ANKRD44: variants seen among roughly 807,000 people sequenced by gnomAD.
The protein encoded by ANKRD44 is serine/threonine-protein phosphatase 6 regulatory ankyrin repeat subunit B.
In ANKRD44, 35 loss-of-function variants were observed where a neutral mutation model predicts 116.0. That is an observed-to-expected ratio of 0.30 (90% CI 0.23 to 0.40). The LOEUF (loss-of-function observed/expected upper bound fraction) is 0.40, where lower values mean the gene tolerates loss of function less well. ANKRD44 is among the 10% of genes least tolerant of loss of function. The probability of loss-of-function intolerance (pLI) is 1.00; values close to 1 mark genes in which losing one functional copy is unlikely to be tolerated. For missense variants in ANKRD44, 1,014 were observed against 1,242.6 expected (o/e 0.82, Z 2.77); for synonymous variants, 435 against 461.8 (o/e 0.94, Z 0.74).
chr2:197,116,957 T>C (rs2078725424), intron 8 of ANKRD44, among the ~76,000 whole-genome samples: 1 of 152,214 alleles, frequency 6.6e-6, no homozygotes, highest in Non-Finnish European at 1.5e-5. Flanking sequence ...TCTATTTTTC[T>C]AGTGCTTATC....
rs141791163 is a variant in ANKRD44 at position 197,186,452 on chromosome 2, G to A, written c.111+571C>T. The stretch of plus-strand genomic sequence containing the variant: ...TATGCTCACTCTTAGATCTTCTGCT[G>A]TATCTGGTTATTTAACCAGATTTTT... On this transcript the variant is annotated intron_variant, in intron 2 of 27. Coordinates refer to ENST00000282272, the MANE Select transcript of ANKRD44 (RefSeq NM_001195144.2). Among the ~76,000 whole-genome samples the A allele has an allele frequency of 5.1e-4, 78 of 151,924 alleles. No individual in the cohort carries two copies. In the East Asian group the frequency reaches 0.013, roughly 25 times the overall value.
At chr2:197,049,647 AT>A (rs559027677) in intron 16 of ANKRD44, among the ~76,000 whole-genome samples, 1,800 of 148,074 alleles carry the variant, frequency 0.012, 11 homozygotes, top group Admixed American at 0.017. Context: ...CTACTGTATG[AT>A]TTTTTTTTTT....
chr2:197,103,941 A>G (rs1435687197), intron 9 of ANKRD44, among the ~76,000 whole-genome samples: 5 of 152,160 alleles, frequency 3.3e-5, no homozygotes, highest in Non-Finnish European at 7.4e-5. Context: ...TTCCCATGTC[A>G]TTAATCTTTT....
chr2:196,988,245 A>G lies in ANKRD44; in HGVS notation c.*1346T>C. The G allele has an allele frequency of 1.0e-6, 1 of 985,456 alleles. No individual in the cohort carries two copies. 61.0% of individuals were successfully genotyped at this position (985,456 alleles called of 1,614,324 possible). A position where few individuals can be genotyped will look rare whatever the true frequency, so the allele number is the denominator to read the frequency against. ...GAAATGCCAACTGAGCAAGATTTCCATTCACTTCTAGAAAAAGACACCGCA... is the reference window on the plus strand; with the variant it reads ...GAAATGCCAACTGAGCAAGATTTCCGTTCACTTCTAGAAAAAGACACCGCA... On this transcript the variant is annotated 3_prime_UTR_variant, in exon 28 of 28. Coordinates refer to ENST00000282272, the MANE Select transcript of ANKRD44 (RefSeq NM_001195144.2).
intron 20 of ANKRD44, among the ~76,000 whole-genome samples, chr2:197,006,183 C>T (rs2076199003): frequency 6.6e-6 from 1 of 152,184 alleles, no homozygotes; most frequent in African/African-American, 2.4e-5. Flanking sequence ...TGGCTCACGC[C>T]TGTAATCCCA....
chr2:197,062,598 G>A (rs2077340074), intron 16 of ANKRD44, among the ~76,000 whole-genome samples: 1 of 152,186 alleles, frequency 6.6e-6, no homozygotes, highest in Non-Finnish European at 1.5e-5. Flanking sequence ...GAAGCACCTG[G>A]AAAATCGGGT....
chr2:197,260,534 T>G (rs569201606), intron 1 of ANKRD44, among the ~76,000 whole-genome samples: 1 of 152,082 alleles, frequency 6.6e-6, no homozygotes, highest in African/African-American at 2.4e-5. Context: ...ATAGTGCCGC[T>G]ATAAACATAC....
chr2:197,141,218 AATAC>A (rs1043282477), intron 3 of ANKRD44, among the ~76,000 whole-genome samples: 1 of 152,100 alleles, frequency 6.6e-6, no homozygotes, highest in African/African-American at 2.4e-5. Flanking sequence ...CTCTATCTCA[AATAC>A]ATACATACAT....
At chr2:197,075,626 G>T (rs2077649964) in intron 16 of ANKRD44, among the ~76,000 whole-genome samples, 1 of 152,058 alleles carries the variant, frequency 6.6e-6, no homozygotes, top group South Asian at 2.1e-4. Context: ...AAGGCTAAGG[G>T]GTTCATACTA....
downstream of ANKRD44, among the ~76,000 whole-genome samples, chr2:196,983,101 G>A (rs2075813408): frequency 6.6e-6 from 1 of 151,778 alleles, no homozygotes; most frequent in African/African-American, 2.4e-5. Flanking sequence ...CTAGATGACG[G>A]GTTGATAGGT....
chr2:196,992,299 GT>G (rs1227412151), intron 27 of ANKRD44, among the ~76,000 whole-genome samples: 1 of 152,102 alleles, frequency 6.6e-6, no homozygotes, highest in Non-Finnish European at 1.5e-5. Context: ...CCTTTTTCTG[GT>G]ATGAAAACAA....
At chr2:197,191,241 T>C (rs761677205) in intron 1 of ANKRD44, among the ~76,000 whole-genome samples, 3 of 152,198 alleles carry the variant, frequency 2.0e-5, no homozygotes, top group Non-Finnish European at 2.9e-5. Flanking sequence ...GTGGGATTTG[T>C]TGTTCAGATG....
chr2:197,127,785 G>A (rs1027913213), intron 4 of ANKRD44, among the ~76,000 whole-genome samples: 1 of 152,150 alleles, frequency 6.6e-6, no homozygotes, highest in African/African-American at 2.4e-5. Flanking sequence ...ATTAAGTCCA[G>A]CATCTGTTAG....
At chr2:197,305,175 G>T (rs1299917684) in intron 1 of ANKRD44, among the ~76,000 whole-genome samples, 1 of 151,398 alleles carries the variant, frequency 6.6e-6, no homozygotes, top group Non-Finnish European at 1.5e-5. Context: ...TTTCATACAT[G>T]ATGTGTCAGG....
At chr2:197,299,471 T>A (rs1254154229) in intron 1 of ANKRD44, 3 of 152,162 alleles carry the variant, frequency 2.0e-5, no homozygotes, top group Non-Finnish European at 4.4e-5. Flanking sequence ...GAAAGTGTGG[T>A]AGATACATAC....
chr2:197,248,789 T>A (rs1385421686), intron 1 of ANKRD44, among the ~76,000 whole-genome samples: 1 of 151,912 alleles, frequency 6.6e-6, no homozygotes, highest in East Asian at 1.9e-4. Flanking sequence ...AGGGGTAGCA[T>A]GCGGTGTCCA....
At chr2:197,163,104 T>G (rs540149092) in intron 2 of ANKRD44, among the ~76,000 whole-genome samples, 13 of 152,332 alleles carry the variant, frequency 8.5e-5, no homozygotes, top group African/African-American at 3.1e-4. Context: ...GGGCTTGGCC[T>G]TGTTTCAAAG....
chr2:197,228,258 C>T (rs2081767057), intron 1 of ANKRD44, among the ~76,000 whole-genome samples: 1 of 152,200 alleles, frequency 6.6e-6, no homozygotes, highest in Admixed American at 6.5e-5. Flanking sequence ...ATCATCATAG[C>T]TGTTATTGTC....
intron 16 of ANKRD44, among the ~76,000 whole-genome samples, chr2:197,073,095 G>GCTT (rs1248758084): frequency 6.6e-6 from 1 of 152,142 alleles, no homozygotes; most frequent in East Asian, 1.9e-4. Flanking sequence ...CCAACCTAGG[G>GCTT]CTTCTCCTCC....
Sources: gnomAD v4.1 joint callset for allele counts (sites outside exome capture counted in the v4.1 genomes callset) on GRCh38, gnomAD v4.1.1 for gene constraint, MANE v1.5 for transcripts, NCBI Gene and HGNC (gene_info 2026-07-23, HGNC 2026-07-21) for gene names.